TRPV4: variants seen among roughly 807,000 people sequenced by gnomAD.
TRPV4 encodes the protein transient receptor potential cation channel subfamily V member 4, also known as OSM9-like transient receptor potential channel 4.
In TRPV4, 58 loss-of-function variants were observed where a neutral mutation model predicts 84.1. The ratio of observed to expected loss-of-function variants is 0.69; its 90% CI spans 0.56 to 0.86. The LOEUF is 0.86. TRPV4 is among the 40% of genes least tolerant of loss of function. The probability of loss-of-function intolerance (pLI) is 0.00; values close to 1 mark genes in which losing one functional copy is unlikely to be tolerated. For synonymous variants in TRPV4, 489 were observed against 500.9 expected, an observed-to-expected ratio of 0.98 and a Z score of 0.32; for missense variants, 879 against 1,181.1, an observed-to-expected ratio of 0.74 and a Z score of 3.75.
intron 4 of TRPV4, 135 bp downstream of exon 4, chr12:109,802,856 A>T: frequency 1.2e-6 from 1 of 860,970 alleles, no homozygotes; most frequent in Non-Finnish European, 1.9e-6. Flanking sequence ...CCATCCATCC[A>T]TCCATCCATC....
In TRPV4 at chr12:109,814,316, G is replaced by A. The variant is rs899863067; in HGVS notation, c.386+95C>T. 85 of 1,406,052 alleles carry A rather than the reference G, an allele frequency of 6.0e-5. No individual in the cohort carries two copies. Among genetic ancestry groups the A allele is most frequent in the South Asian group, 1.5e-4 (12 of 81,074 alleles). 87.1% of individuals were successfully genotyped at this position (1,406,052 alleles called of 1,614,324 possible). ...GGACAGATGGATGGATGGATGAATCGACGGATGGGTGGATAATAGATAGAG... is the reference window on the plus strand; with the variant it reads ...GGACAGATGGATGGATGGATGAATCAACGGATGGGTGGATAATAGATAGAG... On this transcript the variant is annotated intron_variant, in intron 2 of 15. Transcript: ENST00000261740. The surrounding 1 kb of genome is among the most constrained non-coding windows in gnomAD (Gnocchi z 5.4).
At position 109,790,719 on chromosome 12, in the gene TRPV4, C is replaced by CA. The variant is rs796139239; in HGVS notation, c.1891+1643dup. 4.2e-3 allele frequency among the ~76,000 whole-genome samples: 592 copies of CA among 140,110 alleles called. 1 individual carries two copies. The highest frequency in any genetic ancestry group is 0.011 in the Middle Eastern group (3 of 274). 91.9% of individuals were successfully genotyped at this position (140,110 alleles called of 152,430 possible). On this transcript the variant is annotated intron_variant, in intron 12 of 15. Coordinates refer to ENST00000261740, the MANE Select transcript of TRPV4 (RefSeq NM_021625.5). ...CAACATAGCAAGACCCTGCCTCCACCAAAAAAAAAAAATGGAAAAAAAGAA... is the reference window on the plus strand; with the variant it reads ...CAACATAGCAAGACCCTGCCTCCACCAAAAAAAAAAAAATGGAAAAAAAGAA...
At chr12:109,805,887 A>G (rs74530083) in intron 3 of TRPV4, among the ~76,000 whole-genome samples, 17,713 of 152,240 alleles carry the variant, frequency 0.12, 1,355 homozygotes, top group African/African-American at 0.21. Context: ...CTGAATTCAG[A>G]AGAAGCCAGA....
In TRPV4 at chr12:109,786,688, G is replaced by T. The variant is rs771508004; in HGVS notation, c.2336+22C>A. On this transcript the variant is annotated intron_variant, in intron 14 of 15. Coordinates refer to ENST00000261740, the MANE Select transcript of TRPV4 (RefSeq NM_021625.5). This position sits in a 1 kb window ranked among gnomAD's most constrained non-coding sequence, Gnocchi z 4.5. ...GGGGACAGTTCCGCCCTGCCATCCT[G>T]GCCCCACTGCCCCAGCCTCACCTGA... 20 of 1,613,092 alleles carry T rather than the reference G, an allele frequency of 1.2e-5. No homozygotes were observed. The Admixed American group carries it at 3.3e-4, about 27-fold the overall frequency.
intron 4 of TRPV4, 150 bp downstream of exon 4, chr12:109,802,841 T>TCCAC (rs1169419431): frequency 2.9e-6 from 2 of 680,966 alleles, no homozygotes; most frequent in Non-Finnish European, 5.1e-6. Flanking sequence ...CATCCATGCA[T>TCCAC]CCATCCATCC....
intron 1 of TRPV4, among the ~76,000 whole-genome samples, chr12:109,816,197 C>T (rs1271313873): frequency 6.6e-6 from 1 of 152,228 alleles, no homozygotes; most frequent in African/African-American, 2.4e-5. Flanking sequence ...AGCAAGAGGC[C>T]TCCCTTAGTG....
At position 109,808,360 on chromosome 12, in the gene TRPV4, G is replaced by T; in HGVS notation, c.495C>A (p.Asp165Glu). The change falls in exon 3 of 16, where the codon GAC becomes GAA. Residue 165 changes from aspartate to glutamate, a missense_variant. By Grantham distance (45) the Asp-to-Glu change is conservative (BLOSUM62 2). This residue lies in a region of TRPV4 where 521 missense variants were observed against 686.6 expected (regional missense o/e 0.76). Coordinates refer to ENST00000261740, the MANE Select transcript of TRPV4 (RefSeq NM_021625.5). ...FDIVSRGSTA[D>E]LDGLLPFLLT... ...GCAAGAATGGGAGCAGCCCGTCCAG[G>T]TCAGCAGTGGAGCCCCGGGACACGA... is the stretch of plus-strand genomic sequence containing the variant. The T allele has an allele frequency of 1.2e-6, 2 of 1,614,208 alleles. No individual in the cohort carries two copies. The highest frequency in any genetic ancestry group is 1.3e-5 in the African/African-American group (1 of 75,066).
intron 12 of TRPV4, among the ~76,000 whole-genome samples, 198 bp from the exon 13 acceptor site, chr12:109,788,914 C>A (rs183483766): frequency 2.6e-5 from 4 of 152,194 alleles, no homozygotes; most frequent in Non-Finnish European, 4.4e-5. Flanking sequence ...ACCTTTGAAG[C>A]CTTTCCATAA....
chr12:109,783,920 T>C lies in TRPV4; in HGVS notation c.2459-142A>G. On this transcript the variant is annotated intron_variant, in intron 15 of 15. Coordinates refer to ENST00000261740, the MANE Select transcript of TRPV4 (RefSeq NM_021625.5). This position sits in a 1 kb window ranked among gnomAD's most constrained non-coding sequence, Gnocchi z 4.6. ...ATGCTCATTTTACAGAGGTGGAAACTGGGGCTCAAGAGAGGTCAAGGTGCC... is the reference window on the plus strand; with the variant it reads ...ATGCTCATTTTACAGAGGTGGAAACCGGGGCTCAAGAGAGGTCAAGGTGCC... The C allele has an allele frequency of 9.2e-7, 1 of 1,082,660 alleles. No individual in the cohort carries two copies. Among genetic ancestry groups the C allele is most frequent in the South Asian group, 1.5e-5 (1 of 66,032 alleles). 67.1% of individuals were successfully genotyped at this position (1,082,660 alleles called of 1,614,324 possible).
Position 109,802,246 on chromosome 12 carries a change from C to A in TRPV4, c.712+745G>T, listed in dbSNP as rs1890832264. On this transcript the variant is annotated intron_variant, in intron 4 of 15. Coordinates refer to ENST00000261740, the MANE Select transcript of TRPV4 (RefSeq NM_021625.5). Reference sequence around the variant, plus strand: ...CTGAGCTCAAGTGATCTTCCCACCCCAGCCTCCCAAGTAGCTGGGACTACA... The same window carrying A: ...CTGAGCTCAAGTGATCTTCCCACCCAAGCCTCCCAAGTAGCTGGGACTACA... Among the ~76,000 whole-genome samples, 3 of 151,898 alleles carry A rather than the reference C, an allele frequency of 2.0e-5. No homozygotes were observed. In the South Asian group the frequency reaches 6.2e-4, roughly 32 times the overall value.
Position 109,832,757 on chromosome 12 carries a change from G to A in TRPV4, c.-32+593C>T, listed in dbSNP as rs995511782. ...CTGTGGTTGGTGTTTCCAGGCAAGC[G>A]GGGAGTGTGGGAGTCTCTCTCTCCC... On this transcript the variant is annotated intron_variant, in intron 1 of 15. Transcript: ENST00000261740. 2.0e-5 allele frequency: 3 copies of A among 152,354 alleles called. No individual in the cohort carries two copies. The East Asian group carries it at 5.8e-4, about 29-fold the overall frequency. The allele number at this position is 152,354 out of a possible 1,614,324, so 9.4% of individuals were successfully genotyped here.
chr12:109,802,521 T>G (rs12425671), intron 4 of TRPV4, among the ~76,000 whole-genome samples: 36,602 of 151,746 alleles, frequency 0.24, 5,622 homozygotes, highest in East Asian at 0.69. Context: ...AGGCTGGTCT[T>G]GAACACCTGA....
intron 10 of TRPV4, 88 bp from the exon 11 acceptor site, chr12:109,792,905 A>G: frequency 8.5e-6 from 12 of 1,419,156 alleles, no homozygotes; most frequent in Non-Finnish European, 1.2e-5. Context: ...CAAGCCCTCC[A>G]GGGTATCAGG....
chr12:109,825,488 T>C (rs564628093), intron 1 of TRPV4, among the ~76,000 whole-genome samples: 1 of 152,142 alleles, frequency 6.6e-6, no homozygotes, highest in African/African-American at 2.4e-5. Context: ...CAGTTTGCAG[T>C]GGGAGGTGGG....
At chr12:109,827,989 G>C (rs969492375) in intron 1 of TRPV4, among the ~76,000 whole-genome samples, 1 of 152,172 alleles carries the variant, frequency 6.6e-6, no homozygotes, top group Non-Finnish European at 1.5e-5. Flanking sequence ...CAGCCCACTC[G>C]GTCAACCGGG....
rs756549218 is a variant in TRPV4 at position 109,792,439 on chromosome 12, C to T, written c.1825-10G>A. ...GGTCCTTGAAGAGAATCTAAAGACCCCAGCGGGATTATGGAGGCAAAGAGG... is the reference window on the plus strand; with the variant it reads ...GGTCCTTGAAGAGAATCTAAAGACCTCAGCGGGATTATGGAGGCAAAGAGG... On this transcript the variant is annotated splice_polypyrimidine_tract_variant and intron_variant, in intron 11 of 15. Coordinates refer to ENST00000261740, the MANE Select transcript of TRPV4 (RefSeq NM_021625.5). The T allele has an allele frequency of 1.3e-5, 21 of 1,613,678 alleles. No homozygotes were observed. Among genetic ancestry groups the T allele is most frequent in the Non-Finnish European group, 1.8e-5 (21 of 1,179,822 alleles).
In TRPV4 at chr12:109,833,331, G is replaced by A. The variant is rs1892469413; in HGVS notation, c.-32+19C>T. 1 of 152,262 alleles carries A rather than the reference G, an allele frequency of 6.6e-6. No homozygotes were observed. The highest frequency in any genetic ancestry group is 1.5e-5 in the Non-Finnish European group (1 of 68,114). The allele number at this position is 152,262 out of a possible 1,614,324, so 9.4% of individuals were successfully genotyped here. A position where few individuals can be genotyped will look rare whatever the true frequency, so the allele number is the denominator to read the frequency against. On this transcript the variant is annotated intron_variant, in intron 1 of 15. Coordinates refer to ENST00000261740, the MANE Select transcript of TRPV4 (RefSeq NM_021625.5). The stretch of plus-strand genomic sequence containing the variant: ...GGACCTCGGCTGAGCCGCCCCTCCC[G>A]GGCCCGGGCCCCACTTACCTCCGGG...
chr12:109,805,244 A>C (rs1447174152), intron 3 of TRPV4, among the ~76,000 whole-genome samples: 4 of 152,222 alleles, frequency 2.6e-5, no homozygotes, highest in Non-Finnish European at 5.9e-5. Flanking sequence ...CCCAACAACC[A>C]TTTGCTGAGT....
At position 109,814,392 on chromosome 12, in the gene TRPV4, G is replaced by A. The variant is rs750983383; in HGVS notation, c.386+19C>T. The A allele has an allele frequency of 6.2e-7, 1 of 1,612,984 alleles. No individual in the cohort carries two copies. The highest frequency in any genetic ancestry group is 1.3e-5 in the African/African-American group (1 of 75,022). Reference sequence around the variant, plus strand: ...ATACAGAGGAGGAGACCACAGGCCAGGAAGCTAACAATACTCACTCTATGA... The same window carrying A: ...ATACAGAGGAGGAGACCACAGGCCAAGAAGCTAACAATACTCACTCTATGA... On this transcript the variant is annotated intron_variant, in intron 2 of 15. Transcript: ENST00000261740. The surrounding 1 kb of genome is among the most constrained non-coding windows in gnomAD (Gnocchi z 5.4).
Sources: gnomAD v4.1 joint callset for allele counts (sites outside exome capture counted in the v4.1 genomes callset) on GRCh38, gnomAD v4.1.1 for gene constraint, gnomAD v4.1.1 regional missense constraint, Gnocchi (gnomAD v3.1) non-coding constraint, MANE v1.5 for transcripts, NCBI Gene and HGNC (gene_info 2026-07-23, HGNC 2026-07-21) for gene names.